DPP10: variants seen among roughly 807,000 people sequenced by gnomAD.
DPP10 encodes the protein inactive dipeptidyl peptidase 10.
DPP10 carries 33 observed loss-of-function variants against 120.9 expected under a neutral mutation model. The observed-to-expected ratio is 0.27, with a 90% CI of 0.21 to 0.37. The LOEUF (loss-of-function observed/expected upper bound fraction) is 0.37, where lower values mean the gene tolerates loss of function less well. DPP10 is among the 10% of genes least tolerant of loss of function. The pLI, the probability that DPP10 is intolerant of heterozygous loss-of-function variation, is 1.00. For missense variants in DPP10, 816 were observed against 942.8 expected, an observed-to-expected ratio of 0.87 and a Z score of 1.76; for synonymous variants, 337 against 326.1, an observed-to-expected ratio of 1.03 and a Z score of -0.36.
At chr2:114,933,139 G>A (rs1218978409) in intron 1 of DPP10, among the ~76,000 whole-genome samples, 1 of 152,146 alleles carries the variant, frequency 6.6e-6, no homozygotes, top group Admixed American at 6.5e-5. Context: ...GTGAGATTCA[G>A]TGATAAAATA....
At chr2:115,516,099 T>A (rs745804556) in intron 4 of DPP10, among the ~76,000 whole-genome samples, 7 of 152,110 alleles carry the variant, frequency 4.6e-5, no homozygotes, top group Non-Finnish European at 1.0e-4. Flanking sequence ...GCAAGTTTAG[T>A]GCATGACAAC....
chr2:114,484,128 C>T (rs1190141461), intron 1 of DPP10, among the ~76,000 whole-genome samples: 1 of 152,104 alleles, frequency 6.6e-6, no homozygotes, highest in Non-Finnish European at 1.5e-5. Context: ...CCGCTGAACT[C>T]CAATAATGGC....
chr2:115,219,217 T>C (rs2057003346), intron 1 of DPP10, among the ~76,000 whole-genome samples: 1 of 152,152 alleles, frequency 6.6e-6, no homozygotes, highest in Non-Finnish European at 1.5e-5. Context: ...TGCATTGACC[T>C]CTCTATACCT....
chr2:115,548,077 T>C (rs1043391941), intron 5 of DPP10, among the ~76,000 whole-genome samples: 2 of 152,128 alleles, frequency 1.3e-5, no homozygotes, highest in Non-Finnish European at 2.9e-5. Context: ...GGAACAAAAT[T>C]ATAAGGCAAG....
At chr2:114,678,542 T>G (rs961378952) in intron 1 of DPP10, among the ~76,000 whole-genome samples, 3 of 152,062 alleles carry the variant, frequency 2.0e-5, no homozygotes, top group African/African-American at 7.2e-5. Flanking sequence ...ATTCTCCCTC[T>G]CTCTGCCTTT....
chr2:115,501,710 C>A (rs1285801872), intron 4 of DPP10, among the ~76,000 whole-genome samples: 3 of 151,986 alleles, frequency 2.0e-5, no homozygotes, highest in Non-Finnish European at 4.4e-5. Context: ...TTACCCAAAA[C>A]TGAGAACAAA....
At chr2:115,799,163 C>T (rs116068143) in intron 19 of DPP10, among the ~76,000 whole-genome samples, 3,270 of 151,964 alleles carry the variant, frequency 0.022, 85 homozygotes, top group Non-Finnish European at 0.025. Flanking sequence ...GACATTAATA[C>T]CTTGGGAAAG....
intron 1 of DPP10, among the ~76,000 whole-genome samples, chr2:115,141,921 G>A (rs76943889): frequency 2.6e-5 from 4 of 152,068 alleles, no homozygotes; most frequent in African/African-American, 4.8e-5. Flanking sequence ...CTACAGGTGC[G>A]CGCCACTATG....
chr2:115,661,102 A>T (rs1445951947), intron 5 of DPP10, among the ~76,000 whole-genome samples: 1 of 151,842 alleles, frequency 6.6e-6, no homozygotes, highest in Non-Finnish European at 1.5e-5. Flanking sequence ...GGTGCCCACC[A>T]CCCCACCCAG....
At chr2:114,726,309 G>A (rs1702046658) in intron 1 of DPP10, among the ~76,000 whole-genome samples, 1 of 151,376 alleles carries the variant, frequency 6.6e-6, no homozygotes, top group South Asian at 2.1e-4. Context: ...TGGTTCAGAT[G>A]AACCAGTGAT....
At chr2:114,893,286 A>G (rs1246263650) in intron 1 of DPP10, among the ~76,000 whole-genome samples, 1 of 152,194 alleles carries the variant, frequency 6.6e-6, no homozygotes, top group African/African-American at 2.4e-5. Context: ...ATTATGAGTT[A>G]AATACTAATC....
rs182903760 is a variant in DPP10, at chr2:115,593,043, G to A, written c.441+67071G>A. Among the ~76,000 whole-genome samples, 41 of 152,248 alleles carry A rather than the reference G, an allele frequency of 2.7e-4. 1 individual carries two copies. In the East Asian group the frequency reaches 6.2e-3, roughly 23 times the overall value. ...TTTGGTAGAATTTGTGTTAAGGGTC[G>A]TTAGTTAGAGATAGCCAAAAAAGTA... On this transcript the variant is annotated intron_variant, in intron 5 of 25. Coordinates refer to ENST00000410059, the MANE Select transcript of DPP10 (RefSeq NM_020868.6).
intron 1 of DPP10, among the ~76,000 whole-genome samples, chr2:115,135,115 A>G (rs2050584752): frequency 6.6e-6 from 1 of 152,054 alleles, no homozygotes; most frequent in Non-Finnish European, 1.5e-5. Flanking sequence ...AAACTGATCC[A>G]GCAGGCAGCA....
chr2:115,357,012 C>T (rs2064438442), intron 3 of DPP10, among the ~76,000 whole-genome samples: 1 of 152,172 alleles, frequency 6.6e-6, no homozygotes, highest in South Asian at 2.1e-4. Context: ...TGAACCATTG[C>T]CCCTTTCCTC....
intron 3 of DPP10, among the ~76,000 whole-genome samples, chr2:115,453,436 T>C (rs1208230426): frequency 6.6e-6 from 1 of 151,628 alleles, no homozygotes; most frequent in East Asian, 1.9e-4. Flanking sequence ...GAATATGATT[T>C]TTCCTTATGA....
At position 115,633,256 on chromosome 2, in the gene DPP10, A is replaced by G. The variant is rs1368863781; in HGVS notation, c.442-56431A>G. Among the ~76,000 whole-genome samples, 4 of 152,202 alleles carry G rather than the reference A, an allele frequency of 2.6e-5. No homozygotes were observed. In the East Asian group the frequency reaches 7.7e-4, roughly 29 times the overall value. On this transcript the variant is annotated intron_variant, in intron 5 of 25. Coordinates refer to ENST00000410059, the MANE Select transcript of DPP10 (RefSeq NM_020868.6). ...CCATGGAATACTATGCAGCTATAAA[A>G]AAGGATGAGTTCATGTCCTTTGTAG...
At chr2:115,576,003 G>A (rs1333826534) in intron 5 of DPP10, among the ~76,000 whole-genome samples, 1 of 152,154 alleles carries the variant, frequency 6.6e-6, no homozygotes, top group Non-Finnish European at 1.5e-5. Context: ...CAAGGAGATG[G>A]ATTTTTCCTT....
intron 3 of DPP10, among the ~76,000 whole-genome samples, chr2:115,406,374 T>TAA (rs2068509043): frequency 6.6e-6 from 1 of 152,218 alleles, no homozygotes; most frequent in African/African-American, 2.4e-5. Context: ...TTTTTAGTCT[T>TAA]TTTTGTCTTC....
chr2:114,680,545 C>T (rs754777675), intron 1 of DPP10, among the ~76,000 whole-genome samples: 7 of 152,068 alleles, frequency 4.6e-5, no homozygotes, highest in Non-Finnish European at 7.4e-5. Context: ...TTGTGCATCT[C>T]TTCACTCTGT....
Sources: gnomAD v4.1 joint callset for allele counts (sites outside exome capture counted in the v4.1 genomes callset) on GRCh38, gnomAD v4.1.1 for gene constraint, MANE v1.5 for transcripts, NCBI Gene and HGNC (gene_info 2026-07-23, HGNC 2026-07-21) for gene names.